KCNT1: variants seen among roughly 807,000 people sequenced by gnomAD.
KCNT1 encodes potassium sodium-activated channel subfamily T member 1.
In KCNT1, 78 loss-of-function variants were observed where a neutral mutation model predicts 147.8. That is an observed-to-expected ratio of 0.53 (90% CI 0.44 to 0.64). KCNT1 has a LOEUF of 0.64. Ranked by LOEUF, KCNT1 falls within the 30% of genes least tolerant of loss-of-function variation. The pLI is 0.00. For synonymous variants in KCNT1, 867 were observed against 748.8 expected, an observed-to-expected ratio of 1.16 and a Z score of -2.58; for missense variants, 1,419 against 1,750.3, an observed-to-expected ratio of 0.81 and a Z score of 3.38.
intron 2 of KCNT1, among the ~76,000 whole-genome samples, chr9:135,741,715 T>C (rs1830576519): frequency 6.6e-6 from 1 of 152,250 alleles, no homozygotes; most frequent in African/African-American, 2.4e-5. Flanking sequence ...CGTAGGCCGA[T>C]GAGCGTGTGC....
In KCNT1 at chr9:135,784,080, C is replaced by T. The variant is rs762968242; in HGVS notation, c.2898C>T (p.Ala966=). The T allele has an allele frequency of 1.1e-4, 174 of 1,605,912 alleles. No homozygotes were observed. The highest frequency in any genetic ancestry group is 1.3e-4 in the Non-Finnish European group (159 of 1,179,984). Residue 966 remains alanine (A), a synonymous_variant, in exon 25 of 31, where the codon GCC becomes GCT. Coordinates refer to ENST00000371757, the MANE Select transcript of KCNT1 (RefSeq NM_020822.3). The stretch of plus-strand genomic sequence containing the variant: ...TCATGTTCCGCCTGCCGTTCGCCGC[C>T]GGCCGCGTCTTCAGCATCAGCATGT... ...LAFMFRLPFA[A]GRVFSISMLD...
intron 5 of KCNT1, among the ~76,000 whole-genome samples, 178 bp downstream of exon 5, chr9:135,754,171 C>G (rs1000899993): frequency 6.6e-6 from 1 of 152,146 alleles, no homozygotes; most frequent in Non-Finnish European, 1.5e-5. Context: ...AGGCCTGGGA[C>G]CAGGGTGGGG....
Position 135,792,234 on chromosome 9 carries a change from A to G in KCNT1, c.*73A>G. 6.5e-7 allele frequency: 1 copy of G among 1,528,484 alleles called. No homozygotes were observed. The highest frequency in any genetic ancestry group is 8.8e-7 in the Non-Finnish European group (1 of 1,134,960). 94.7% of individuals were successfully genotyped at this position (1,528,484 alleles called of 1,614,324 possible). A position where few individuals can be genotyped will look rare whatever the true frequency, so the allele number is the denominator to read the frequency against. On this transcript the variant is annotated 3_prime_UTR_variant, in exon 31 of 31. Transcript: ENST00000371757. ...AGGACGTGGAGGAGCGTGTGAGGAC[A>G]CGGTGGCACTAGCGTGACCCTGGGG...
In KCNT1 at chr9:135,786,404, G is replaced by T; in HGVS notation, c.3385G>T (p.Ala1129Ser). ...GCCCAAGCAGGCAGGCCGGGCGGCG[G>T]CCGCGGAGTGGATCAGCCAGCAGCG... is the stretch of plus-strand genomic sequence containing the variant. Reference protein sequence around the residue: ...KAPKQAGRAAAAEWISQQRLS... With the variant: ...KAPKQAGRAASAEWISQQRLS... The change falls in exon 29 of 31, where the codon GCC (alanine) becomes TCC (serine). Residue 1129 changes from alanine to serine, a missense_variant. By Grantham distance (99) the Ala-to-Ser change is moderately conservative (BLOSUM62 1). Coordinates refer to ENST00000371757, the MANE Select transcript of KCNT1 (RefSeq NM_020822.3). 6.3e-7 allele frequency: 1 copy of T among 1,575,132 alleles called. No homozygotes were observed. The highest frequency in any genetic ancestry group is 1.3e-5 in the African/African-American group (1 of 74,186).
chr9:135,785,816 C>T (rs185970908), intron 28 of KCNT1: 50 of 417,690 alleles, frequency 1.2e-4, no homozygotes, highest in Non-Finnish European at 2.0e-4. Context: ...GAGAAATTGA[C>T]ACGCAGAGGG....
intron 2 of KCNT1, among the ~76,000 whole-genome samples, chr9:135,747,595 A>G (rs1434605951): frequency 6.6e-6 from 1 of 152,104 alleles, no homozygotes; most frequent in African/African-American, 2.4e-5. Context: ...CCAAAGAGAC[A>G]CTTATGCAGG....
intron 1 of KCNT1, among the ~76,000 whole-genome samples, chr9:135,712,695 GGCCCTCAGTCCCA>G (rs1835551968): frequency 6.6e-6 from 1 of 152,154 alleles, no homozygotes; most frequent in Non-Finnish European, 1.5e-5. Flanking sequence ...CTGTAGCCCC[GGCCCTCAGTCCCA>G]GCCCTCAGCC....
At chr9:135,749,908 G>A (rs1588307381) in intron 2 of KCNT1, among the ~76,000 whole-genome samples, 190 bp from the exon 3 acceptor site, 1 of 152,164 alleles carries the variant, frequency 6.6e-6, no homozygotes, top group Non-Finnish European at 1.5e-5. Context: ...TGGGTCGGCT[G>A]TCTGCTGGGT....
chr9:135,776,905 C>A (rs1189341558), intron 20 of KCNT1, among the ~76,000 whole-genome samples: 1 of 152,240 alleles, frequency 6.6e-6, no homozygotes, highest in Non-Finnish European at 1.5e-5. Context: ...CTGCTCCAGT[C>A]TGGAATGAAC....
In KCNT1 at chr9:135,775,340, C is replaced by T. The variant is rs1369751197; in HGVS notation, c.2274C>T (p.Pro758=). The T allele has an allele frequency of 2.5e-6, 4 of 1,609,822 alleles. No homozygotes were observed. The highest frequency in any genetic ancestry group is 8.5e-7 in the Non-Finnish European group (1 of 1,178,040). The change falls in exon 20 of 31, where the codon CCC becomes CCT. Residue 758 remains proline, a synonymous_variant. Coordinates refer to ENST00000371757, the MANE Select transcript of KCNT1 (RefSeq NM_020822.3). ...EYVKGYPPNS[P]YIGSSPTLCH... is the part of the protein sequence containing the mutation. ...TGAAGGGCTACCCTCCCAACTCGCC[C>T]TACATCGGCAGCTCCCCAACCCTGT...
At chr9:135,709,095 C>G (rs1819654907) in intron 1 of KCNT1, among the ~76,000 whole-genome samples, 1 of 152,220 alleles carries the variant, frequency 6.6e-6, no homozygotes, top group South Asian at 2.1e-4. Context: ...GAACCCCACC[C>G]TGCCCCCAGC....
At chr9:135,740,076 C>A (rs993139568) in intron 2 of KCNT1, among the ~76,000 whole-genome samples, 2 of 152,148 alleles carry the variant, frequency 1.3e-5, no homozygotes, top group Admixed American at 1.3e-4. Context: ...CTATGTGTGT[C>A]TGTGTCCTCA....
At chr9:135,791,555 G>A (rs1356139488) in intron 29 of KCNT1, 2 of 525,270 alleles carry the variant, frequency 3.8e-6, no homozygotes, top group Non-Finnish European at 6.9e-6. Context: ...CCAGAGGTGG[G>A]TGCGGGTCAG....
intron 11 of KCNT1, among the ~76,000 whole-genome samples, chr9:135,760,243 C>A (rs886397183): frequency 8.5e-5 from 13 of 152,180 alleles, no homozygotes; most frequent in Admixed American, 7.8e-4. Flanking sequence ...GGGGGCACAC[C>A]CCCCCGGCCA....
rs757968008 is a variant in KCNT1 at position 135,786,170 on chromosome 9, C to CGCCCT, written c.3178-7_3178-3dup. On this transcript the variant is annotated intron_variant, in intron 28 of 30. Coordinates refer to ENST00000371757, the MANE Select transcript of KCNT1 (RefSeq NM_020822.3). ...CCCTCCCGGCAGCCTCACCCCTCCC[C>CGCCCT]GCCCTGCCCTGCCCTGCCCTGCCCA... 6.3e-3 allele frequency: 9,728 copies of CGCCCT among 1,547,886 alleles called. 26 individuals carry two copies. Among genetic ancestry groups the CGCCCT allele is most frequent in the Admixed American group, 7.5e-3 (407 of 54,068 alleles).
intron 19 of KCNT1, among the ~76,000 whole-genome samples, chr9:135,774,336 TTG>T (rs1458273451): frequency 6.9e-6 from 1 of 145,834 alleles, no homozygotes; most frequent in Non-Finnish European, 1.5e-5. Flanking sequence ...TCTGGGTGTG[TTG>T]TGTGTCCGTG....
intron 2 of KCNT1, among the ~76,000 whole-genome samples, chr9:135,716,281 C>G (rs1835717099): frequency 6.6e-6 from 1 of 152,138 alleles, no homozygotes; most frequent in Non-Finnish European, 1.5e-5. Context: ...TCCCAGATGA[C>G]TCGATAACGC....
chr9:135,764,912 C>G (rs1832151132), intron 11 of KCNT1, 119 bp from the exon 12 acceptor site: 3 of 1,077,444 alleles, frequency 2.8e-6, no homozygotes, highest in Admixed American at 2.7e-5. Flanking sequence ...GGTGTCACCC[C>G]CCGGCCGGCC....
At chr9:135,788,439 C>T (rs1033515935) in intron 29 of KCNT1, among the ~76,000 whole-genome samples, 4 of 152,254 alleles carry the variant, frequency 2.6e-5, no homozygotes, top group Non-Finnish European at 5.9e-5. Context: ...GCCCAGCTCT[C>T]GGGCTCACCC....
Sources: gnomAD v4.1 joint callset for allele counts (sites outside exome capture counted in the v4.1 genomes callset) on GRCh38, gnomAD v4.1.1 for gene constraint, MANE v1.5 for transcripts, NCBI Gene and HGNC (gene_info 2026-07-23, HGNC 2026-07-21) for gene names.